The following SV2B variants were observed in gnomAD, a reference collection of about 807,000 sequenced individuals.
SV2B encodes solute carrier family 22 member B2.
Under a neutral mutation model 73.9 loss-of-function variants are expected in SV2B, and 41 were observed. The observed-to-expected ratio is 0.56, with a 90% CI of 0.43 to 0.72. The LOEUF (loss-of-function observed/expected upper bound fraction) is 0.72, where lower values mean the gene tolerates loss of function less well. Among genes scored for constraint, SV2B ranks in the 30% least tolerant of loss-of-function variants. The pLI, the probability that SV2B is intolerant of heterozygous loss-of-function variation, is 0.00. For synonymous variants in SV2B, 314 were observed against 314.2 expected (o/e 1.00, Z 0.01); for missense variants, 764 against 857.8 (o/e 0.89, Z 1.37).
intron 1 of SV2B, among the ~76,000 whole-genome samples, chr15:91,119,706 C>A: frequency 6.6e-6 from 1 of 152,254 alleles, no homozygotes; most frequent in East Asian, 1.9e-4. Flanking sequence ...GTTAACCTGA[C>A]AGCTAGCACT....
intron 1 of SV2B, among the ~76,000 whole-genome samples, chr15:91,145,337 G>A (rs752512907): frequency 2.6e-5 from 4 of 152,166 alleles, no homozygotes; most frequent in Non-Finnish European, 5.9e-5. Context: ...TTTTATGGCT[G>A]CATAGTATTC....
intron 1 of SV2B, among the ~76,000 whole-genome samples, chr15:91,114,431 C>A (rs2042123194): frequency 6.6e-6 from 1 of 152,198 alleles, no homozygotes. Flanking sequence ...ATAACTCTCT[C>A]ATCTGAGGTT....
At chr15:91,254,843 C>T (rs75023385) in intron 4 of SV2B, among the ~76,000 whole-genome samples, 2 of 152,180 alleles carry the variant, frequency 1.3e-5, no homozygotes, top group Admixed American at 6.5e-5. Flanking sequence ...ATTAGCAATA[C>T]GAGGCTTTCT....
chr15:91,135,049 G>A (rs1425680609), intron 1 of SV2B, among the ~76,000 whole-genome samples: 1 of 150,520 alleles, frequency 6.6e-6, no homozygotes, highest in South Asian at 2.1e-4. Context: ...ACCCGGGCTG[G>A]AGCACAGTAC....
At chr15:91,107,676 C>G (rs1165615228) in intron 1 of SV2B, among the ~76,000 whole-genome samples, 3 of 152,106 alleles carry the variant, frequency 2.0e-5, no homozygotes, top group Admixed American at 6.6e-5. Flanking sequence ...GTGGCGTGAA[C>G]TCAGCTCACT....
Position 91,242,991 on chromosome 15 carries a change from T to C in SV2B, c.452-8828T>C, listed in dbSNP as rs2047080649. On this transcript the variant is annotated intron_variant, in intron 2 of 12. Coordinates refer to ENST00000394232, the MANE Select transcript of SV2B (RefSeq NM_001323032.3). The surrounding 1 kb of genome is among the most constrained non-coding windows in gnomAD (Gnocchi z 4.9). The stretch of plus-strand genomic sequence containing the variant: ...GGTGGCTGCTCCCTTTAGACGGGCA[T>C]GTATTTCTCAGTCCCCACACTCCCT... Among the ~76,000 whole-genome samples, 1 of 152,156 alleles carries C rather than the reference T, an allele frequency of 6.6e-6. No homozygotes were observed. Among genetic ancestry groups the C allele is most frequent in the Non-Finnish European group, 1.5e-5 (1 of 68,030 alleles).
intron 1 of SV2B, among the ~76,000 whole-genome samples, chr15:91,102,601 T>A (rs1435037554): frequency 6.6e-6 from 1 of 152,096 alleles, no homozygotes; most frequent in Non-Finnish European, 1.5e-5. Context: ...GGAGCTTAAA[T>A]TAATGAGAGA....
At chr15:91,263,079 C>T (rs899276645) in intron 6 of SV2B, among the ~76,000 whole-genome samples, 3 of 148,088 alleles carry the variant, frequency 2.0e-5, no homozygotes, top group East Asian at 1.9e-4. Flanking sequence ...TACACAAGCA[C>T]ATCCACAAAG....
rs11424510 is a variant in SV2B, at chr15:91,121,131, A to ATT, written c.-392+20776_-392+20777dup. Among the ~76,000 whole-genome samples the ATT allele has an allele frequency of 4.6e-5, 7 of 151,214 alleles. No individual in the cohort carries two copies. The highest frequency in any genetic ancestry group is 7.3e-5 in the African/African-American group (3 of 41,212). The stretch of plus-strand genomic sequence containing the variant: ...TGGTCTTATGTTAGTAACTCGTTTC[A>ATT]TTTTTTTTTCTCTTTGAAATAAAAA... On this transcript the variant is annotated intron_variant, in intron 1 of 12. Coordinates refer to ENST00000394232, the MANE Select transcript of SV2B (RefSeq NM_001323032.3). The surrounding 1 kb of genome is among the most constrained non-coding windows in gnomAD (Gnocchi z 4.4).
intron 5 of SV2B, among the ~76,000 whole-genome samples, chr15:91,259,745 C>T (rs897191392): frequency 3.3e-5 from 5 of 152,178 alleles, no homozygotes; most frequent in South Asian, 4.1e-4. Flanking sequence ...TGGCCTTCAT[C>T]GTCACATGGT....
chr15:91,207,185 C>CT (rs1228201080), intron 1 of SV2B, among the ~76,000 whole-genome samples: 5,988 of 126,858 alleles, frequency 0.047, 216 homozygotes, highest in African/African-American at 0.082. Context: ...TTATGCCTGG[C>CT]TTTTTTTTTT....
At chr15:91,243,298 C>A (rs1450599700) in intron 2 of SV2B, among the ~76,000 whole-genome samples, 1 of 152,202 alleles carries the variant, frequency 6.6e-6, no homozygotes. Flanking sequence ...TTACCCGTCT[C>A]ACCTGGAGTC....
rs1422270420 is a variant in SV2B, at chr15:91,227,436, AG to A, written c.451+723del. ...GTGCACAAATGGTGTGATGTAGAAA[AG>A]ATTCATCATCATATGGACAAGCATT... On this transcript the variant is annotated intron_variant, in intron 2 of 12. Coordinates refer to ENST00000394232, the MANE Select transcript of SV2B (RefSeq NM_001323032.3). The surrounding 1 kb of genome is among the most constrained non-coding windows in gnomAD (Gnocchi z 4.5). Among the ~76,000 whole-genome samples the A allele has an allele frequency of 3.9e-5, 6 of 152,250 alleles. No individual in the cohort carries two copies. The highest frequency in any genetic ancestry group is 1.4e-4 in the African/African-American group (6 of 41,470).
intron 1 of SV2B, among the ~76,000 whole-genome samples, chr15:91,146,294 G>A (rs926308995): frequency 3.3e-5 from 5 of 151,956 alleles, no homozygotes; most frequent in African/African-American, 7.3e-5. Context: ...ATAGGTGTGC[G>A]GTCTTATTTC....
At chr15:91,104,921 C>A (rs189013717) in intron 1 of SV2B, among the ~76,000 whole-genome samples, 5 of 152,164 alleles carry the variant, frequency 3.3e-5, no homozygotes, top group Non-Finnish European at 7.3e-5. Flanking sequence ...CGTGAGCCAC[C>A]GCGCCTGACT....
At chr15:91,164,480 G>A (rs2043840276) in intron 1 of SV2B, among the ~76,000 whole-genome samples, 1 of 152,082 alleles carries the variant, frequency 6.6e-6, no homozygotes, top group African/African-American at 2.4e-5. Flanking sequence ...GAATTCCTCT[G>A]TCTCTGACCT....
At chr15:91,192,033 G>A (rs550535829) in intron 1 of SV2B, among the ~76,000 whole-genome samples, 5 of 152,218 alleles carry the variant, frequency 3.3e-5, no homozygotes, top group Admixed American at 1.3e-4. Context: ...ATATTAGCGT[G>A]TTCTTACCTC....
At chr15:91,279,998 C>T (rs1044982028) in intron 9 of SV2B, among the ~76,000 whole-genome samples, 1 of 152,160 alleles carries the variant, frequency 6.6e-6, no homozygotes, top group African/African-American at 2.4e-5. Flanking sequence ...ACCAATGATT[C>T]TCAAATTTCT....
chr15:91,191,963 G>C (rs2141354657), intron 1 of SV2B, among the ~76,000 whole-genome samples: 1 of 152,116 alleles, frequency 6.6e-6, no homozygotes, highest in South Asian at 2.1e-4. Flanking sequence ...AAGTTTTAAA[G>C]TTTGAGTTTT....
Sources: gnomAD v4.1 joint callset for allele counts (sites outside exome capture counted in the v4.1 genomes callset) on GRCh38, gnomAD v4.1.1 for gene constraint, Gnocchi (gnomAD v3.1) non-coding constraint, MANE v1.5 for transcripts, NCBI Gene and HGNC (gene_info 2026-07-23, HGNC 2026-07-21) for gene names.